The following PDZD2 variants were observed in gnomAD, a reference collection of about 807,000 sequenced individuals.
PDZD2 encodes PDZ domain-containing protein 2.
A neutral mutation model predicts 220.7 loss-of-function variants in PDZD2; 90 were observed. That is an observed-to-expected ratio of 0.41 (90% CI 0.34 to 0.49). The LOEUF is 0.49. PDZD2 is among the 20% of genes least tolerant of loss of function. The pLI, the probability that PDZD2 is intolerant of heterozygous loss-of-function variation, is 0.28. For synonymous variants in PDZD2, 1,375 were observed against 1,450.5 expected, an observed-to-expected ratio of 0.95 and a Z score of 1.18; for missense variants, 3,174 against 3,608.5, an observed-to-expected ratio of 0.88 and a Z score of 3.08.
intron 1 of PDZD2, among the ~76,000 whole-genome samples, chr5:31,656,986 G>T (rs572334383): frequency 2.0e-5 from 3 of 152,314 alleles, no homozygotes; most frequent in South Asian, 2.1e-4. Flanking sequence ...GTTTAGAAAT[G>T]AAGTTCTTAA....
intron 1 of PDZD2, among the ~76,000 whole-genome samples, chr5:31,666,517 C>T (rs1366010261): frequency 6.6e-6 from 1 of 152,186 alleles, no homozygotes; most frequent in East Asian, 1.9e-4. Context: ...ATTTACAAGG[C>T]GATGGTTGCT....
chr5:31,934,758 G>C (rs1201130225), intron 2 of PDZD2, among the ~76,000 whole-genome samples: 1 of 151,900 alleles, frequency 6.6e-6, no homozygotes, highest in Admixed American at 6.6e-5. Flanking sequence ...ATTTATACTG[G>C]ATAAAACTCT....
Position 31,995,630 on chromosome 5 carries a change from G to A in PDZD2, c.1033G>A (p.Gly345Arg). The change falls in exon 4 of 25, where the codon GGA becomes AGA. Residue 345 changes from glycine (G) to arginine (R), a missense_variant. Gly to Arg is a moderately radical substitution (Grantham distance 125, BLOSUM62 -2). Coordinates refer to ENST00000438447, the MANE Select transcript of PDZD2 (RefSeq NM_178140.4). ...MELLKESDGL[G>R]IQVSGGRGSK... The stretch of plus-strand genomic sequence containing the variant: ...GCTGCTCAAAGAATCGGATGGGCTG[G>A]GAATTCAGGTTAGTGGAGGCCGAGG... 2 of 1,614,138 alleles carry A rather than the reference G, an allele frequency of 1.2e-6. No homozygotes were observed. Among genetic ancestry groups the A allele is most frequent in the Non-Finnish European group, 1.7e-6 (2 of 1,180,012 alleles).
chr5:32,059,076 CA>C (rs149845969), intron 12 of PDZD2, among the ~76,000 whole-genome samples, 162 bp from the exon 13 acceptor site: 3,222 of 152,296 alleles, frequency 0.021, 40 homozygotes, highest in Non-Finnish European at 0.033. Context: ...ACAGCAGTGG[CA>C]AGTGTTGACA....
chr5:31,920,144 C>G lies in PDZD2; in HGVS notation c.477-63011C>G, dbSNP rs554204267. Among the ~76,000 whole-genome samples the G allele has an allele frequency of 1.2e-3, 175 of 151,950 alleles. 1 individual carries two copies. Among genetic ancestry groups the G allele is most frequent in the Non-Finnish European group, 2.0e-3 (138 of 67,974 alleles). ...ACCAGAAATACAAAAGTTAGCCAGG[C>G]ATAGTGGCACGCACCTATAATCCCA... On this transcript the variant is annotated intron_variant, in intron 2 of 24. Transcript: ENST00000438447.
chr5:31,719,831 A>T (rs1474494926), intron 1 of PDZD2, among the ~76,000 whole-genome samples: 1 of 152,236 alleles, frequency 6.6e-6, no homozygotes, highest in Non-Finnish European at 1.5e-5. Context: ...GTGATAGAGA[A>T]GTAAATGAAA....
At chr5:31,722,456 A>G (rs979961438) in intron 1 of PDZD2, among the ~76,000 whole-genome samples, 1 of 151,130 alleles carries the variant, frequency 6.6e-6, no homozygotes, top group Non-Finnish European at 1.5e-5. Context: ...TTTCCCCTTC[A>G]TTTTGTTTTT....
In PDZD2 at chr5:31,744,809, G is replaced by A. The variant is rs531432194; in HGVS notation, c.-360-54080G>A. Reference sequence around the variant, plus strand: ...TGTGTGGCCAGGTGCAGTGGCTGACGCCTGTAATCCTAGCACTTTGGGAAG... The same window carrying A: ...TGTGTGGCCAGGTGCAGTGGCTGACACCTGTAATCCTAGCACTTTGGGAAG... On this transcript the variant is annotated intron_variant, in intron 1 of 24. Transcript: ENST00000438447. 9.9e-5 allele frequency among the ~76,000 whole-genome samples: 15 copies of A among 152,278 alleles called. No homozygotes were observed. The South Asian group carries it at 2.3e-3, about 23-fold the overall frequency.
intron 1 of PDZD2, among the ~76,000 whole-genome samples, chr5:31,735,078 T>C (rs1480718665): frequency 6.6e-6 from 1 of 152,198 alleles, no homozygotes; most frequent in African/African-American, 2.4e-5. Context: ...GAACTGCTAA[T>C]ATACTTGCCC....
At chr5:31,850,756 C>T (rs1405549718) in intron 2 of PDZD2, among the ~76,000 whole-genome samples, 1 of 151,590 alleles carries the variant, frequency 6.6e-6, no homozygotes, top group Non-Finnish European at 1.5e-5. Flanking sequence ...TCTGTCTCAG[C>T]CTCCCGAGTA....
intron 6 of PDZD2, among the ~76,000 whole-genome samples, chr5:32,030,851 CT>C (rs1755062085): frequency 6.6e-6 from 1 of 152,176 alleles, no homozygotes; most frequent in Non-Finnish European, 1.5e-5. Context: ...TATTTACTCC[CT>C]TTAGAGTCCC....
intron 7 of PDZD2, among the ~76,000 whole-genome samples, chr5:32,038,151 T>C (rs1755709436): frequency 6.7e-6 from 1 of 148,402 alleles, no homozygotes; most frequent in East Asian, 2.0e-4. Flanking sequence ...AAAAGGCATT[T>C]TTTAGGCACA....
At chr5:31,817,647 A>G (rs1755551028) in intron 2 of PDZD2, among the ~76,000 whole-genome samples, 1 of 148,240 alleles carries the variant, frequency 6.7e-6, no homozygotes, top group African/African-American at 2.6e-5. Flanking sequence ...GGTTAAATAT[A>G]TTTATCCATC....
intron 1 of PDZD2, among the ~76,000 whole-genome samples, chr5:31,770,088 T>C (rs937921559): frequency 6.6e-6 from 1 of 152,228 alleles, no homozygotes; most frequent in African/African-American, 2.4e-5. Context: ...AGAAAAAGCT[T>C]TGTGAGTTCT....
chr5:32,105,069 G>A (rs1265006770), intron 24 of PDZD2, among the ~76,000 whole-genome samples: 2 of 152,124 alleles, frequency 1.3e-5, no homozygotes, highest in Non-Finnish European at 2.9e-5. Context: ...AGGAGGTCGA[G>A]GCTGTGGTGA....
At chr5:32,042,606 G>C (rs192910951) in intron 7 of PDZD2, among the ~76,000 whole-genome samples, 1 of 152,064 alleles carries the variant, frequency 6.6e-6, no homozygotes, top group South Asian at 2.1e-4. Context: ...GTGATTGACA[G>C]AATGAGTTAT....
At chr5:31,891,825 G>A (rs574155732) in intron 2 of PDZD2, among the ~76,000 whole-genome samples, 42 of 152,326 alleles carry the variant, frequency 2.8e-4, no homozygotes, top group African/African-American at 9.6e-4. Flanking sequence ...GCCAAGGAGA[G>A]TGAAGACTGA....
rs547907198 is a variant in PDZD2, at chr5:31,648,841, T to C, written c.-361+9404T>C. Among the ~76,000 whole-genome samples the C allele has an allele frequency of 4.7e-4, 72 of 152,262 alleles. 1 individual carries two copies. In the South Asian group the frequency reaches 0.015, roughly 31 times the overall value. On this transcript the variant is annotated intron_variant, in intron 1 of 24. Coordinates refer to ENST00000438447, the MANE Select transcript of PDZD2 (RefSeq NM_178140.4). ...CAGTCGATGAACCTGTGTTGGAACA[T>C]CGTTATCCCTCGAGTCCATAGTTTA...
At chr5:32,011,029 C>A (rs138289892) in intron 6 of PDZD2, among the ~76,000 whole-genome samples, 9,658 of 113,122 alleles carry the variant, frequency 0.085, 1,409 homozygotes, top group African/African-American at 0.29. Flanking sequence ...AAAACAACAA[C>A]AACAACAACA....
Sources: gnomAD v4.1 joint callset for allele counts (sites outside exome capture counted in the v4.1 genomes callset) on GRCh38, gnomAD v4.1.1 for gene constraint, MANE v1.5 for transcripts, NCBI Gene and HGNC (gene_info 2026-07-23, HGNC 2026-07-21) for gene names.